Variants in BTN3A1 observed in about 807,000 individuals in gnomAD.
BTN3A1 encodes the protein dJ45P21.3 (butyrophilin, subfamily 3, member A1).
BTN3A1 carries 24 observed loss-of-function variants against 43.0 expected under a neutral mutation model. The observed-to-expected ratio is 0.56, with a 90% CI of 0.40 to 0.78. The LOEUF (loss-of-function observed/expected upper bound fraction) is 0.78. BTN3A1 is among the 30% of genes least tolerant of loss of function. BTN3A1 has a pLI of 0.00. For synonymous variants in BTN3A1, 181 were observed against 234.7 expected (o/e 0.77, Z 2.09); for missense variants, 533 against 626.2 (o/e 0.85, Z 1.59).
chr6:26,404,030 T>A (rs1437210288), intron 1 of BTN3A1: 2 of 152,166 alleles, frequency 1.3e-5, no homozygotes, highest in Non-Finnish European at 2.9e-5. Context: ...AAATGCATTG[T>A]TTACTCTGGG....
intron 7 of BTN3A1, among the ~76,000 whole-genome samples, chr6:26,410,777 G>GTA (rs1293213866): frequency 8.1e-5 from 12 of 148,096 alleles, no homozygotes; most frequent in East Asian, 3.9e-4. Context: ...GCATATATAT[G>GTA]TATATATATA....
Position 26,405,389 on chromosome 6 carries a change from G to T in BTN3A1, c.-175G>T, listed in dbSNP as rs772604904. The stretch of plus-strand genomic sequence containing the variant: ...TTTTACAGGTGATTTTCAATGTTGG[G>T]ACTCAAAGGTGAAGACACTGAAGGA... On this transcript the variant is annotated 5_prime_UTR_variant, in exon 2 of 10. Coordinates refer to ENST00000289361, the MANE Select transcript of BTN3A1 (RefSeq NM_007048.6). The T allele has an allele frequency of 1.6e-6, 1 of 618,858 alleles. No homozygotes were observed. Among genetic ancestry groups the T allele is most frequent in the Non-Finnish European group, 2.9e-6 (1 of 343,884 alleles). The allele number at this position is 618,858 out of a possible 1,614,324, so 38.3% of individuals were successfully genotyped here.
Position 26,409,615 on chromosome 6 carries a change from C to T in BTN3A1, c.798C>T (p.Ala266=), listed in dbSNP as rs771170154. 33 of 1,610,454 alleles carry T rather than the reference C, an allele frequency of 2.0e-5. No homozygotes were observed. Among genetic ancestry groups the T allele is most frequent in the Non-Finnish European group, 2.6e-5 (31 of 1,179,138 alleles). ...LPVLLLLLGG[A]GYFLWQQQEE... Reference sequence around the variant, plus strand: ...TCTTGCTGCTGCTTCTTGGGGGAGCCGGTTACTTCCTGTGGCAACAGCAGG... The same window carrying T: ...TCTTGCTGCTGCTTCTTGGGGGAGCTGGTTACTTCCTGTGGCAACAGCAGG... The change falls in exon 5 of 10, where the codon GCC becomes GCT. Residue 266 remains alanine, a synonymous_variant. Transcript: ENST00000289361.
At chr6:26,403,891 G>T (rs1176107009) in intron 1 of BTN3A1, among the ~76,000 whole-genome samples, 2 of 152,090 alleles carry the variant, frequency 1.3e-5, no homozygotes, top group African/African-American at 4.8e-5. Context: ...TATCCTTTAT[G>T]AAGAAGAAAA....
chr6:26,411,711 A>C, intron 9 of BTN3A1, 130 bp downstream of exon 9: 13 of 1,197,818 alleles, frequency 1.1e-5, no homozygotes, highest in Non-Finnish European at 2.3e-6. Flanking sequence ...TGGGGTAGGC[A>C]ACATTAAATT....
Position 26,403,017 on chromosome 6 carries a change from T to A in BTN3A1, c.-193+605T>A, listed in dbSNP as rs113374909. Among the ~76,000 whole-genome samples the A allele has an allele frequency of 8.7e-3, 1,320 of 152,316 alleles. 7 individuals carry two copies. Among genetic ancestry groups the A allele is most frequent in the African/African-American group, 0.02 (832 of 41,556 alleles). The stretch of plus-strand genomic sequence containing the variant: ...TTTTATTCATCATTTCCCCCAAACC[T>A]AACGAATGCTATCCAATGGATACAA... On this transcript the variant is annotated intron_variant, in intron 1 of 9. Transcript: ENST00000289361.
chr6:26,411,680 G>T (rs1762225572), intron 9 of BTN3A1, 99 bp downstream of exon 9: 1 of 1,438,068 alleles, frequency 7.0e-7, no homozygotes, highest in Non-Finnish European at 9.5e-7. Flanking sequence ...GGGAAGAAAA[G>T]CTCCCATGAC....
intron 9 of BTN3A1, chr6:26,412,803 G>C: frequency 3.2e-6 from 5 of 1,550,574 alleles, no homozygotes; most frequent in Non-Finnish European, 3.5e-6. Context: ...CTCATGAGTG[G>C]TCGAATGAAG....
chr6:26,409,871 T>G (rs1171100850), intron 5 of BTN3A1, 23 bp from the exon 6 acceptor site: 2 of 1,614,136 alleles, frequency 1.2e-6, no homozygotes, highest in Admixed American at 3.3e-5. Context: ...AACAGTTCAT[T>G]ATTATTTCTG....
Position 26,405,517 on chromosome 6 carries a change from A to G in BTN3A1, c.-47A>G, listed in dbSNP as rs1286938416. The G allele has an allele frequency of 6.4e-7, 1 of 1,552,164 alleles. No homozygotes were observed. Among genetic ancestry groups the G allele is most frequent in the East Asian group, 2.2e-5 (1 of 44,580 alleles). ...GGAATTCTATAGCTTCTTCCAGGTC[A>G]TAGTGTCTGCCCCCCACCTTCCAGT... On this transcript the variant is annotated 5_prime_UTR_variant, in exon 2 of 10. Transcript: ENST00000289361.
chr6:26,409,367 G>C (rs1277913442), intron 4 of BTN3A1, among the ~76,000 whole-genome samples, 166 bp from the exon 5 acceptor site: 2 of 152,188 alleles, frequency 1.3e-5, no homozygotes, highest in Non-Finnish European at 2.9e-5. Context: ...GTTTATCAAA[G>C]TCTTACCCAC....
chr6:26,408,027 G>C, intron 4 of BTN3A1, 75 bp downstream of exon 4: 1 of 1,582,358 alleles, frequency 6.3e-7, no homozygotes, highest in Admixed American at 1.7e-5. Flanking sequence ...GTTAGTGTCT[G>C]CAGTCAACCT....
Position 26,406,225 on chromosome 6 carries a change from T to A in BTN3A1, c.402T>A (p.Tyr134Ter). 7.3e-7 allele frequency: 1 copy of A among 1,362,184 alleles called. No individual in the cohort carries two copies. The highest frequency in any genetic ancestry group is 1.0e-6 in the Non-Finnish European group (1 of 991,920). 84.4% of individuals were successfully genotyped at this position (1,362,184 alleles called of 1,614,324 possible). ...YLCYFQDGDF[Y>*]EKALVELKVA... is the part of the protein sequence containing the mutation. ...GTTATTTCCAAGATGGTGACTTCTATGAAAAAGCCCTGGTGGAGCTGAAGG... is the reference window on the plus strand; with the variant it reads ...GTTATTTCCAAGATGGTGACTTCTAAGAAAAAGCCCTGGTGGAGCTGAAGG... The change falls in exon 3 of 10, where the codon TAT becomes TAA. Residue 134 changes from tyrosine to a stop codon, truncating the protein, a stop_gained. Transcript: ENST00000289361. LOFTEE classifies it high-confidence loss of function.
At chr6:26,412,555 T>C in intron 9 of BTN3A1, 1 of 1,548,606 alleles carries the variant, frequency 6.5e-7, no homozygotes, top group Non-Finnish European at 8.7e-7. Flanking sequence ...ATCTAGGGCA[T>C]ATAAGGCACC....
intron 1 of BTN3A1, among the ~76,000 whole-genome samples, chr6:26,402,939 T>C (rs1192304138): frequency 1.3e-5 from 2 of 152,234 alleles, no homozygotes; most frequent in African/African-American, 4.8e-5. Flanking sequence ...CAATGTTAGA[T>C]CCATACATTA....
At chr6:26,402,666 G>T (rs959780893) in intron 1 of BTN3A1, among the ~76,000 whole-genome samples, 3 of 152,232 alleles carry the variant, frequency 2.0e-5, no homozygotes, top group African/African-American at 7.2e-5. Flanking sequence ...ATTGTAGTCA[G>T]AAAAGGGCAA....
At chr6:26,404,075 C>T (rs962034551) in intron 1 of BTN3A1, 3 of 152,078 alleles carry the variant, frequency 2.0e-5, no homozygotes, top group African/African-American at 4.8e-5. Context: ...GAAGCATGGC[C>T]GGCTGCACAG....
rs767099545 is a variant in BTN3A1, at chr6:26,413,448, T to C, written c.1298T>C (p.Met433Thr). The change falls in exon 10 of 10, where the codon ATG becomes ACG. Residue 433 changes from methionine (M) to threonine (T), a missense_variant. Transcript: ENST00000289361. ...ACACCTGAGAATGGATTCTGGACTATGGGGCTGACTGATGGGAATAAGTAT... is the reference window on the plus strand; with the variant it reads ...ACACCTGAGAATGGATTCTGGACTACGGGGCTGACTGATGGGAATAAGTAT... ...KMTPENGFWT[M>T]GLTDGNKYRT... is the part of the protein sequence containing the mutation. 1 of 1,614,030 alleles carries C rather than the reference T, an allele frequency of 6.2e-7. No homozygotes were observed. Among genetic ancestry groups the C allele is most frequent in the Non-Finnish European group, 8.5e-7 (1 of 1,180,026 alleles).
chr6:26,408,040 G>T (rs1417690989), intron 4 of BTN3A1, 88 bp downstream of exon 4: 8 of 1,565,916 alleles, frequency 5.1e-6, no homozygotes, highest in Non-Finnish European at 6.9e-6. Flanking sequence ...GTCAACCTGG[G>T]TCTCTGCACT....
Sources: gnomAD v4.1 joint callset for allele counts (sites outside exome capture counted in the v4.1 genomes callset) on GRCh38, gnomAD v4.1.1 for gene constraint, MANE v1.5 for transcripts, NCBI Gene and HGNC (gene_info 2026-07-23, HGNC 2026-07-21) for gene names.